The following ADGRL2 variants were observed in gnomAD, a reference collection of about 807,000 sequenced individuals.
ADGRL2 encodes the protein calcium-independent alpha-latrotoxin receptor 2.
ADGRL2 carries 44 observed loss-of-function variants against 157.4 expected under a neutral mutation model. That is an observed-to-expected ratio of 0.28 (90% confidence interval 0.22 to 0.36). The LOEUF (loss-of-function observed/expected upper bound fraction) is 0.36, where lower values mean the gene tolerates loss of function less well. ADGRL2 is among the 10% of genes least tolerant of loss of function. The probability of loss-of-function intolerance (pLI) is 1.00; values close to 1 mark genes in which losing one functional copy is unlikely to be tolerated. For synonymous variants in ADGRL2, 585 were observed against 624.7 expected (o/e 0.94, Z 0.95); for missense variants, 1,510 against 1,768.9 (o/e 0.85, Z 2.63).
intron 3 of ADGRL2, among the ~76,000 whole-genome samples, chr1:81,590,478 C>A (rs2081110964): frequency 6.6e-6 from 1 of 151,980 alleles, no homozygotes; most frequent in Admixed American, 6.6e-5. Flanking sequence ...TAAGCGCTTC[C>A]CTGTGGCCCC....
chr1:81,327,002 G>T (rs765122974), intron 1 of ADGRL2, among the ~76,000 whole-genome samples: 5 of 152,134 alleles, frequency 3.3e-5, no homozygotes, highest in Non-Finnish European at 7.4e-5. Context: ...CAGCGGACTG[G>T]CAGGCCTAAG....
At chr1:81,330,015 T>C (rs1661166021) in intron 1 of ADGRL2, among the ~76,000 whole-genome samples, 1 of 152,206 alleles carries the variant, frequency 6.6e-6, no homozygotes, top group Non-Finnish European at 1.5e-5. Context: ...AGAAAACTGT[T>C]ATTTTGATTA....
At chr1:81,652,129 T>C (rs966255700) in intron 3 of ADGRL2, among the ~76,000 whole-genome samples, 16 of 152,200 alleles carry the variant, frequency 1.1e-4, no homozygotes, top group African/African-American at 3.9e-4. Flanking sequence ...AAATGATCTT[T>C]GCTATTTGAG....
chr1:81,492,553 G>C (rs1223928216), intron 2 of ADGRL2, among the ~76,000 whole-genome samples: 1 of 152,006 alleles, frequency 6.6e-6, no homozygotes, highest in East Asian at 1.9e-4. Context: ...AGAAATACTT[G>C]GACCTAGACA....
At position 81,422,794 on chromosome 1, in the gene ADGRL2, A is replaced by G. The variant is rs543645939; in HGVS notation, c.-301-22242A>G. On this transcript the variant is annotated intron_variant, in intron 1 of 24. Coordinates refer to the ADGRL2 transcript ENST00000370721. Reference sequence around the variant, plus strand: ...ATATGTGTGAGAATCAAATCAAATCAAATAATACATACAAAGTACTTATCA... The same window carrying G: ...ATATGTGTGAGAATCAAATCAAATCGAATAATACATACAAAGTACTTATCA... Among the ~76,000 whole-genome samples the G allele has an allele frequency of 9.2e-5, 14 of 152,350 alleles. No homozygotes were observed. In the South Asian group the frequency reaches 1.9e-3, roughly 20 times the overall value.
At chr1:81,327,251 C>T (rs914154823) in intron 1 of ADGRL2, among the ~76,000 whole-genome samples, 33 of 152,116 alleles carry the variant, frequency 2.2e-4, no homozygotes, top group East Asian at 9.7e-4. Flanking sequence ...TGGAATGGGA[C>T]GGGAGGAAGG....
At chr1:81,343,734 CAG>C (rs151128567) in intron 1 of ADGRL2, among the ~76,000 whole-genome samples, 7 of 150,730 alleles carry the variant, frequency 4.6e-5, no homozygotes, top group African/African-American at 1.2e-4. Flanking sequence ...GAGATTGTGA[CAG>C]AGAGAGAGAG....
intron 2 of ADGRL2, among the ~76,000 whole-genome samples, chr1:81,526,417 A>G (rs529157478): frequency 1.6e-4 from 24 of 152,214 alleles, no homozygotes; most frequent in Non-Finnish European, 3.2e-4. Flanking sequence ...ATTCATGTCA[A>G]TATTATAGCT....
intron 2 of ADGRL2, among the ~76,000 whole-genome samples, chr1:81,531,576 G>A (rs969151467): frequency 6.6e-6 from 1 of 152,122 alleles, no homozygotes; most frequent in Non-Finnish European, 1.5e-5. Flanking sequence ...TCAACTCAGA[G>A]CAGTGACATT....
intron 1 of ADGRL2, among the ~76,000 whole-genome samples, chr1:81,380,291 G>A (rs1401481434): frequency 6.6e-6 from 1 of 152,040 alleles, no homozygotes; most frequent in African/African-American, 2.4e-5. Context: ...AATGTGTGTG[G>A]GCTTTTTAAA....
chr1:81,481,331 C>T (rs2078382065), intron 2 of ADGRL2, among the ~76,000 whole-genome samples: 2 of 152,222 alleles, frequency 1.3e-5, no homozygotes, highest in Admixed American at 1.3e-4. Flanking sequence ...AATGTTTCCC[C>T]CACTTGGGTT....
intron 2 of ADGRL2, among the ~76,000 whole-genome samples, chr1:81,569,914 A>G (rs1334944571): frequency 2.0e-5 from 3 of 152,168 alleles, no homozygotes; most frequent in Admixed American, 2.0e-4. Context: ...TGCTTCTAAG[A>G]TGCCTCACTC....
chr1:81,763,414 A>G (rs2085971002), intron 2 of ADGRL2, among the ~76,000 whole-genome samples: 1 of 151,392 alleles, frequency 6.6e-6, no homozygotes. Context: ...GTGAAACCCC[A>G]TCTCTACTAA....
At chr1:81,466,255 T>A (rs973443381) in intron 2 of ADGRL2, among the ~76,000 whole-genome samples, 2 of 152,226 alleles carry the variant, frequency 1.3e-5, no homozygotes, top group Non-Finnish European at 2.9e-5. Context: ...AATTCCTGCC[T>A]CAATTTCCCA....
intron 2 of ADGRL2, among the ~76,000 whole-genome samples, chr1:81,455,903 T>C (rs1038176281): frequency 5.3e-5 from 8 of 152,234 alleles, no homozygotes; most frequent in Admixed American, 4.6e-4. Context: ...ATTTTTGATA[T>C]TTAGATTCTT....
chr1:81,910,445 C>G (rs12733664), intron 3 of ADGRL2, among the ~76,000 whole-genome samples: 25,833 of 151,356 alleles, frequency 0.17, 2,609 homozygotes, highest in Middle Eastern at 0.31. Context: ...GATAATACAT[C>G]ATTGGTTAAT....
At chr1:81,606,745 CGTGTGTGTGTGT>C (rs56718232) in intron 3 of ADGRL2, among the ~76,000 whole-genome samples, 1 of 146,924 alleles carries the variant, frequency 6.8e-6, no homozygotes, top group Non-Finnish European at 1.5e-5. Flanking sequence ...AGAGGATCAA[CGTGTGTGTGTGT>C]GTGTGTGTGT....
Position 81,887,898 on chromosome 1 carries a change from CTAA to C in ADGRL2, c.74-19116_74-19114del, listed in dbSNP as rs551034951. The stretch of plus-strand genomic sequence containing the variant: ...GTCAGGCCCAGAAAATACCTCGTGA[CTAA>C]TATTAGAGTACATCCTTTAAAGATG... On this transcript the variant is annotated intron_variant, in intron 2 of 23. Coordinates refer to ENST00000686636, the MANE Select transcript of ADGRL2 (RefSeq NM_001366006.2). 1.9e-3 allele frequency among the ~76,000 whole-genome samples: 291 copies of C among 152,262 alleles called. 5 individuals are homozygous for C. Among genetic ancestry groups the C allele is most frequent in the African/African-American group, 6.7e-3 (280 of 41,548 alleles).
At chr1:81,928,757 C>A (rs2095165285) in intron 3 of ADGRL2, among the ~76,000 whole-genome samples, 1 of 152,092 alleles carries the variant, frequency 6.6e-6, no homozygotes, top group Non-Finnish European at 1.5e-5. Flanking sequence ...GGTTTAAGCT[C>A]TTCCAGGAAA....
Sources: gnomAD v4.1 joint callset for allele counts (sites outside exome capture counted in the v4.1 genomes callset) on GRCh38, gnomAD v4.1.1 for gene constraint, MANE v1.5 for transcripts, NCBI Gene and HGNC (gene_info 2026-07-23, HGNC 2026-07-21) for gene names.